KLF12: variants seen among roughly 807,000 people sequenced by gnomAD.
The protein encoded by KLF12 is KLF transcription factor 12.
KLF12 carries 9 observed loss-of-function variants against 37.8 expected under a neutral mutation model. The observed-to-expected ratio is 0.24, with a 90% CI of 0.14 to 0.42. KLF12 has a LOEUF of 0.42. Ranked by LOEUF, KLF12 falls within the 10% of genes least tolerant of loss-of-function variation. The pLI, the probability that KLF12 is intolerant of heterozygous loss-of-function variation, is 1.00. For missense variants in KLF12, 411 were observed against 516.0 expected, an observed-to-expected ratio of 0.80 and a Z score of 1.97; for synonymous variants, 208 against 202.1, an observed-to-expected ratio of 1.03 and a Z score of -0.25.
At chr13:73,903,922 A>G (rs2139102800) in intron 3 of KLF12, among the ~76,000 whole-genome samples, 1 of 152,292 alleles carries the variant, frequency 6.6e-6, no homozygotes, top group East Asian at 1.9e-4. Flanking sequence ...TCCTGAAACC[A>G]TCTTCCACTC....
chr13:74,005,465 G>A (rs2325592), intron 1 of KLF12, among the ~76,000 whole-genome samples: 4,379 of 152,188 alleles, frequency 0.029, 215 homozygotes, highest in African/African-American at 0.1. Context: ...GGCTGGCAGC[G>A]GTATGCTGCA....
intron 1 of KLF12, among the ~76,000 whole-genome samples, chr13:74,053,877 A>T (rs1433057716): frequency 6.6e-6 from 1 of 152,196 alleles, no homozygotes; most frequent in African/African-American, 2.4e-5. Flanking sequence ...TGAATGGTAA[A>T]ATGGGACCTA....
intron 1 of KLF12, among the ~76,000 whole-genome samples, chr13:74,080,282 G>GT (rs1356512082): frequency 6.0e-5 from 8 of 133,846 alleles, no homozygotes; most frequent in Non-Finnish European, 1.0e-4. Flanking sequence ...ACAAAAAAAA[G>GT]TTGTTTTTTT....
In KLF12 at chr13:73,770,751, G is replaced by C. The variant is rs531182256; in HGVS notation, c.807-5751C>G. ...TTGGCCAGGATGGTCTCCAACTCCT[G>C]AACTCAAATGATCCTCCTGCCTCAG... On this transcript the variant is annotated intron_variant, in intron 5 of 7. Transcript: ENST00000377669. 2.8e-4 allele frequency among the ~76,000 whole-genome samples: 43 copies of C among 151,996 alleles called. 1 individual carries two copies. In the South Asian group the frequency reaches 8.8e-3, roughly 31 times the overall value.
chr13:73,821,805 T>C (rs1301545032), intron 4 of KLF12, among the ~76,000 whole-genome samples: 3 of 152,134 alleles, frequency 2.0e-5, no homozygotes, highest in African/African-American at 7.2e-5. Context: ...TTTCCTTCCA[T>C]TTCACAATTC....
chr13:73,852,567 G>A (rs1009121421), intron 3 of KLF12, among the ~76,000 whole-genome samples: 9 of 152,122 alleles, frequency 5.9e-5, no homozygotes, highest in Non-Finnish European at 2.9e-5. Context: ...GATCACTTGA[G>A]GTTAGGAGTT....
chr13:73,958,632 T>C (rs1012842610), intron 2 of KLF12, among the ~76,000 whole-genome samples: 2 of 152,132 alleles, frequency 1.3e-5, no homozygotes, highest in Non-Finnish European at 2.9e-5. Flanking sequence ...AGATTACATA[T>C]GTGGATTGTA....
chr13:73,939,393 TC>T (rs1890090148), intron 3 of KLF12, among the ~76,000 whole-genome samples: 1 of 152,232 alleles, frequency 6.6e-6, no homozygotes. Context: ...GTTCCATGAT[TC>T]TGTTTTTATT....
At chr13:73,806,323 C>T (rs963033970) in intron 5 of KLF12, among the ~76,000 whole-genome samples, 1 of 151,756 alleles carries the variant, frequency 6.6e-6, no homozygotes, top group African/African-American at 2.4e-5. Flanking sequence ...AGGCTGGTTT[C>T]AAACTCCTGA....
At chr13:74,243,011 A>C in the KLF12 span, among the ~76,000 whole-genome samples, 1 of 152,224 alleles carries the variant, frequency 6.6e-6, no homozygotes, top group Non-Finnish European at 1.5e-5. Flanking sequence ...ACATAGGTAT[A>C]CATGTGCCAT....
the KLF12 span, among the ~76,000 whole-genome samples, chr13:74,242,089 T>G: frequency 8.1e-4 from 124 of 152,204 alleles, 8 homozygotes; most frequent in South Asian, 2.1e-4. Context: ...TAATTCCCCC[T>G]CAAACATAAA....
intron 1 of KLF12, among the ~76,000 whole-genome samples, chr13:74,015,795 G>A (rs1429627091): frequency 6.6e-6 from 1 of 152,024 alleles, no homozygotes; most frequent in Non-Finnish European, 1.5e-5. Flanking sequence ...ACTATTACGG[G>A]ACTCACTTAT....
At chr13:73,699,230 A>T (rs1874370070) in intron 7 of KLF12, among the ~76,000 whole-genome samples, 1 of 146,708 alleles carries the variant, frequency 6.8e-6, no homozygotes. Flanking sequence ...ATAAAAATAA[A>T]AAAACGTAGC....
At chr13:74,238,876 C>A in the KLF12 span, among the ~76,000 whole-genome samples, 3 of 151,462 alleles carry the variant, frequency 2.0e-5, no homozygotes, top group Non-Finnish European at 4.4e-5. Context: ...TTTTGTTGAT[C>A]CTTTCAAAAA....
intron 5 of KLF12, among the ~76,000 whole-genome samples, chr13:73,798,717 G>A (rs1882127142): frequency 1.3e-5 from 2 of 152,198 alleles, no homozygotes; most frequent in African/African-American, 4.8e-5. Context: ...ACAATGAGGA[G>A]CATCTCCCAC....
chr13:73,881,918 T>C (rs1027893233), intron 3 of KLF12, among the ~76,000 whole-genome samples: 3 of 152,180 alleles, frequency 2.0e-5, no homozygotes, highest in African/African-American at 4.8e-5. Context: ...ACAAAACTTA[T>C]TATAAAATAA....
chr13:73,717,097 G>C (rs80290459), intron 6 of KLF12, among the ~76,000 whole-genome samples: 21,474 of 152,182 alleles, frequency 0.14, 2,194 homozygotes, highest in African/African-American at 0.28. Flanking sequence ...AATCAATTCT[G>C]CAACTGTATC....
chr13:74,160,886 A>G, the KLF12 span, among the ~76,000 whole-genome samples: 19 of 152,222 alleles, frequency 1.2e-4, no homozygotes, highest in Admixed American at 5.9e-4. Context: ...TCTGATAGGC[A>G]AGAGATGGGA....
intron 3 of KLF12, among the ~76,000 whole-genome samples, chr13:73,897,151 A>C (rs1452984086): frequency 6.6e-6 from 1 of 152,114 alleles, no homozygotes; most frequent in Non-Finnish European, 1.5e-5. Context: ...GGGAATATCA[A>C]ATTTACAGCA....
Sources: gnomAD v4.1 joint callset for allele counts (sites outside exome capture counted in the v4.1 genomes callset) on GRCh38, gnomAD v4.1.1 for gene constraint, MANE v1.5 for transcripts, NCBI Gene and HGNC (gene_info 2026-07-23, HGNC 2026-07-21) for gene names.